NRXN3: variants seen among roughly 807,000 people sequenced by gnomAD.
The protein encoded by NRXN3 is neurexin III.
NRXN3 carries 32 observed loss-of-function variants against 137.6 expected under a neutral mutation model. The ratio of observed to expected loss-of-function variants is 0.23; its 90% CI spans 0.18 to 0.31. The LOEUF (loss-of-function observed/expected upper bound fraction) is 0.31, where lower values mean the gene tolerates loss of function less well. NRXN3 is among the 10% of genes least tolerant of loss of function. The pLI is 1.00. For missense variants in NRXN3, 1,574 were observed against 2,062.5 expected, an observed-to-expected ratio of 0.76 and a Z score of 4.59; for synonymous variants, 798 against 784.5, an observed-to-expected ratio of 1.02 and a Z score of -0.29.
chr14:78,813,967 C>T (rs1399457820), intron 10 of NRXN3, among the ~76,000 whole-genome samples: 2 of 152,130 alleles, frequency 1.3e-5, no homozygotes, highest in Non-Finnish European at 2.9e-5. Context: ...CTTCTTTCTG[C>T]CTTTCTTAAC....
In NRXN3 at chr14:78,429,236, A is replaced by G. The variant is rs149860885; in HGVS notation, c.757+131376A>G. Reference sequence around the variant, plus strand: ...GAATTAAAAGTGTGTGCAAACATATATATATATATTTTTTGTATATTTAGT... The same window carrying G: ...GAATTAAAAGTGTGTGCAAACATATGTATATATATTTTTTGTATATTTAGT... On this transcript the variant is annotated intron_variant, in intron 4 of 20. Coordinates refer to ENST00000335750, the MANE Select transcript of NRXN3 (RefSeq NM_001330195.2). Among the ~76,000 whole-genome samples the G allele has an allele frequency of 2.4e-3, 368 of 151,760 alleles. 1 individual carries two copies. The East Asian group carries it at 0.046, about 19-fold the overall frequency.
intron 4 of NRXN3, among the ~76,000 whole-genome samples, chr14:78,502,646 C>G (rs77342188): frequency 6.6e-6 from 1 of 152,160 alleles, no homozygotes; most frequent in African/African-American, 2.4e-5. Context: ...AGCTTTTACT[C>G]TCTGGCTTGC....
intron 16 of NRXN3, among the ~76,000 whole-genome samples, chr14:79,634,019 A>T (rs1567729840): frequency 7.1e-6 from 1 of 140,182 alleles, no homozygotes; most frequent in Non-Finnish European, 1.5e-5. Context: ...TTAAAAAAAA[A>T]AATCTTAGGC....
intron 19 of NRXN3, among the ~76,000 whole-genome samples, chr14:79,769,916 A>AG (rs2099071018): frequency 1.3e-5 from 2 of 152,168 alleles, no homozygotes; most frequent in African/African-American, 4.8e-5. Context: ...TCAAAATAAA[A>AG]GGATGGAGGA....
chr14:78,402,190 T>C (rs2092132600), intron 4 of NRXN3, among the ~76,000 whole-genome samples: 1 of 152,244 alleles, frequency 6.6e-6, no homozygotes, highest in Admixed American at 6.5e-5. Context: ...TTGAGGATGT[T>C]ATGTGTGTTA....
At chr14:78,564,582 A>G (rs2096820470) in intron 4 of NRXN3, among the ~76,000 whole-genome samples, 1 of 152,210 alleles carries the variant, frequency 6.6e-6, no homozygotes, top group African/African-American at 2.4e-5. Flanking sequence ...TAGGAGGTAT[A>G]TGGGTTAGAA....
intron 15 of NRXN3, among the ~76,000 whole-genome samples, chr14:79,396,024 C>T (rs1413753561): frequency 1.3e-5 from 2 of 152,112 alleles, no homozygotes; most frequent in African/African-American, 4.8e-5. Flanking sequence ...ATGCTATGCA[C>T]ATATATACTA....
At chr14:79,160,118 A>G (rs944542361) in intron 15 of NRXN3, among the ~76,000 whole-genome samples, 3 of 151,916 alleles carry the variant, frequency 2.0e-5, no homozygotes, top group Non-Finnish European at 4.4e-5. Flanking sequence ...TCTTTGCTGC[A>G]ATACTCCTTC....
chr14:79,811,320 CTTAAT>C (rs1420510436), intron 20 of NRXN3, among the ~76,000 whole-genome samples: 8 of 152,122 alleles, frequency 5.3e-5, no homozygotes, highest in African/African-American at 1.4e-4. Context: ...TAGAAAATTA[CTTAAT>C]TTAATTCATT....
At chr14:79,835,340 G>A (rs2099337429) in intron 20 of NRXN3, among the ~76,000 whole-genome samples, 1 of 152,122 alleles carries the variant, frequency 6.6e-6, no homozygotes, top group Non-Finnish European at 1.5e-5. Context: ...TCCCTCTTCA[G>A]ATCCTGTCCT....
chr14:79,587,714 A>G (rs570365506), intron 16 of NRXN3, among the ~76,000 whole-genome samples: 2 of 152,310 alleles, frequency 1.3e-5, no homozygotes, highest in East Asian at 3.9e-4. Context: ...AATACATATG[A>G]TCAATACTTA....
At chr14:78,434,751 ACAGCTACAGAG>A (rs886176070) in intron 4 of NRXN3, among the ~76,000 whole-genome samples, 11 of 152,300 alleles carry the variant, frequency 7.2e-5, no homozygotes, top group African/African-American at 2.4e-4. Flanking sequence ...CATGGTGAGA[ACAGCTACAGAG>A]GAGTGGGTGA....
chr14:79,774,054 C>T (rs1368722326), intron 19 of NRXN3, among the ~76,000 whole-genome samples: 1 of 152,094 alleles, frequency 6.6e-6, no homozygotes, highest in Non-Finnish European at 1.5e-5. Flanking sequence ...AGACTGTTCG[C>T]TGGCAGGAAT....
intron 10 of NRXN3, among the ~76,000 whole-genome samples, chr14:78,857,302 G>C (rs1426473905): frequency 6.6e-6 from 1 of 151,944 alleles, no homozygotes; most frequent in Non-Finnish European, 1.5e-5. Flanking sequence ...AACATATTTA[G>C]AATGAGCCAA....
chr14:79,810,574 C>T (rs1236759623), intron 20 of NRXN3, among the ~76,000 whole-genome samples: 1 of 152,148 alleles, frequency 6.6e-6, no homozygotes, highest in East Asian at 1.9e-4. Flanking sequence ...ATTTGCATTT[C>T]GGTGTTACTG....
intron 10 of NRXN3, among the ~76,000 whole-genome samples, chr14:78,875,574 T>C (rs889297239): frequency 2.0e-5 from 3 of 152,194 alleles, no homozygotes; most frequent in Non-Finnish European, 2.9e-5. Context: ...ACTAAAGGAT[T>C]TTGTTTTAAA....
intron 15 of NRXN3, among the ~76,000 whole-genome samples, chr14:79,089,063 G>A (rs1310847301): frequency 6.6e-6 from 1 of 152,042 alleles, no homozygotes; most frequent in Non-Finnish European, 1.5e-5. Flanking sequence ...AAGCGGCAGA[G>A]GAATTCAACT....
chr14:78,330,841 A>G (rs2080728058), intron 4 of NRXN3, among the ~76,000 whole-genome samples: 1 of 152,174 alleles, frequency 6.6e-6, no homozygotes, highest in Non-Finnish European at 1.5e-5. Context: ...AACCTCATTA[A>G]TATCTTTGCA....
chr14:78,880,649 A>G (rs2099126536), intron 10 of NRXN3, among the ~76,000 whole-genome samples: 1 of 152,206 alleles, frequency 6.6e-6, no homozygotes, highest in Non-Finnish European at 1.5e-5. Context: ...GAAGAGTATC[A>G]GAGTATCAAG....
Sources: allele counts gnomAD v4.1 joint callset (sites outside exome capture counted in the v4.1 genomes callset), GRCh38; gene constraint gnomAD v4.1.1; transcripts MANE v1.5; gene names NCBI Gene and HGNC (gene_info 2026-07-23, HGNC 2026-07-21).